DAB1: variants seen among roughly 807,000 people sequenced by gnomAD.
DAB1 encodes the protein disabled homolog 1.
A neutral mutation model predicts 64.6 loss-of-function variants in DAB1; 15 were observed. That is an observed-to-expected ratio of 0.23 (90% CI 0.16 to 0.36). DAB1 has a LOEUF of 0.36. DAB1 is among the 10% of genes least tolerant of loss of function. DAB1 has a pLI of 1.00. For missense variants in DAB1, 596 were observed against 706.7 expected (o/e 0.84, Z 1.78); for synonymous variants, 235 against 251.9 (o/e 0.93, Z 0.64).
intron 1 of DAB1, among the ~76,000 whole-genome samples, chr1:57,293,503 G>A (rs77351440): frequency 2.2e-3 from 337 of 152,304 alleles, no homozygotes; most frequent in African/African-American, 7.7e-3. Context: ...GATTGGAAGA[G>A]TGTCTGGCAT....
At chr1:57,021,308 C>T (rs560164719) in intron 11 of DAB1, among the ~76,000 whole-genome samples, 2 of 152,292 alleles carry the variant, frequency 1.3e-5, no homozygotes, top group South Asian at 2.1e-4. Flanking sequence ...TTCCAAGTCC[C>T]TAATCTGGTA....
At chr1:58,396,933 T>C (rs897104291) in intron 3 of DAB1, among the ~76,000 whole-genome samples, 3 of 151,684 alleles carry the variant, frequency 2.0e-5, no homozygotes, top group Non-Finnish European at 4.4e-5. Context: ...GGCGTAGTGG[T>C]GGGCTCCTGT....
At chr1:58,265,286 G>T (rs1331356091) in intron 4 of DAB1, among the ~76,000 whole-genome samples, 1 of 152,166 alleles carries the variant, frequency 6.6e-6, no homozygotes, top group African/African-American at 2.4e-5. Context: ...ATCCCAGATT[G>T]GTCTAAAGGC....
chr1:57,776,562 T>C (rs1036620618), intron 6 of DAB1, among the ~76,000 whole-genome samples: 10 of 151,862 alleles, frequency 6.6e-5, no homozygotes, highest in African/African-American at 2.4e-4. Context: ...TATTCTACTT[T>C]GTCTCCACAA....
intron 7 of DAB1, among the ~76,000 whole-genome samples, chr1:57,480,273 C>T (rs1435456945): frequency 6.6e-6 from 1 of 151,954 alleles, no homozygotes; most frequent in African/African-American, 2.4e-5. Context: ...CAAATGGGTA[C>T]CCAGGTTCAA....
At position 57,174,766 on chromosome 1, in the gene DAB1, G is replaced by C. The variant is rs148312859; in HGVS notation, c.68-29337C>G. On this transcript the variant is annotated intron_variant, in intron 2 of 14. Coordinates refer to ENST00000371236, the MANE Select transcript of DAB1 (RefSeq NM_001365792.1). ...AACAGGAATGCCAGGAAGGCTACTTGATTTCTGTTTCAATCAAAAACCTAT... is the reference window on the plus strand; with the variant it reads ...AACAGGAATGCCAGGAAGGCTACTTCATTTCTGTTTCAATCAAAAACCTAT... Among the ~76,000 whole-genome samples the C allele has an allele frequency of 3.0e-4, 45 of 152,206 alleles. 1 individual carries two copies. In the East Asian group the frequency reaches 7.3e-3, roughly 25 times the overall value.
At chr1:57,010,493 C>G (rs1033700736) in intron 14 of DAB1, among the ~76,000 whole-genome samples, 187 bp downstream of exon 14, 3 of 152,084 alleles carry the variant, frequency 2.0e-5, no homozygotes, top group Non-Finnish European at 4.4e-5. Context: ...ATAGCTCAGG[C>G]AAGAAGAAAT....
intron 5 of DAB1, among the ~76,000 whole-genome samples, chr1:57,938,516 C>T (rs546845543): frequency 6.5e-4 from 99 of 152,042 alleles, no homozygotes; most frequent in Non-Finnish European, 1.1e-3. Context: ...GGTCTCTTCC[C>T]GCTTCACTTG....
intron 2 of DAB1, among the ~76,000 whole-genome samples, chr1:57,230,977 CT>C (rs1667633708): frequency 6.6e-6 from 1 of 151,914 alleles, no homozygotes; most frequent in East Asian, 1.9e-4. Flanking sequence ...TAGAAAAATG[CT>C]TGTCACATAT....
rs1024461870 is a variant in DAB1 at position 57,088,214 on chromosome 1, G to A, written c.307-15800C>T. Among the ~76,000 whole-genome samples, 35 of 152,294 alleles carry A rather than the reference G, an allele frequency of 2.3e-4. 1 individual carries two copies. The highest frequency in any genetic ancestry group is 8.4e-4 in the African/African-American group (35 of 41,574). ...GCCTCCCGAATAGCTGGGATTACAG[G>A]CATGCACCACCACACCTGGCTAATT... On this transcript the variant is annotated intron_variant, in intron 4 of 14. Transcript: ENST00000371236.
chr1:58,046,939 G>A (rs1224263971), intron 5 of DAB1, among the ~76,000 whole-genome samples: 1 of 152,118 alleles, frequency 6.6e-6, no homozygotes, highest in Admixed American at 6.5e-5. Flanking sequence ...AAGCCCAGCC[G>A]TGCCACTTAC....
intron 1 of DAB1, among the ~76,000 whole-genome samples, chr1:57,369,989 G>A (rs1327450029): frequency 6.6e-6 from 1 of 152,140 alleles, no homozygotes; most frequent in African/African-American, 2.4e-5. Flanking sequence ...TCCCAGTTCA[G>A]TATTTCTTCT....
intron 5 of DAB1, among the ~76,000 whole-genome samples, chr1:57,964,525 T>A (rs1285654150): frequency 6.6e-6 from 1 of 152,192 alleles, no homozygotes; most frequent in Non-Finnish European, 1.5e-5. Flanking sequence ...CCTATTTCAG[T>A]ACAGAGAGTA....
At chr1:57,525,663 G>A (rs752251068) in intron 7 of DAB1, among the ~76,000 whole-genome samples, 3 of 151,876 alleles carry the variant, frequency 2.0e-5, no homozygotes, top group Non-Finnish European at 2.9e-5. Flanking sequence ...AGTCACCAGG[G>A]CAAGATATAA....
chr1:58,053,024 G>A (rs1388205020), intron 5 of DAB1, among the ~76,000 whole-genome samples: 4 of 152,164 alleles, frequency 2.6e-5, no homozygotes, highest in Non-Finnish European at 2.9e-5. Flanking sequence ...ATGGGGAGCT[G>A]CCAGGCTTTT....
At chr1:57,978,830 G>A (rs936279530) in intron 5 of DAB1, among the ~76,000 whole-genome samples, 1 of 152,102 alleles carries the variant, frequency 6.6e-6, no homozygotes, top group Non-Finnish European at 1.5e-5. Context: ...CATCATCACT[G>A]GTCATTATGG....
chr1:57,130,007 C>A (rs1437091199), intron 4 of DAB1, among the ~76,000 whole-genome samples: 1 of 151,728 alleles, frequency 6.6e-6, no homozygotes, highest in Non-Finnish European at 1.5e-5. Context: ...CCAGGCCTGG[C>A]CGATACAACA....
intron 4 of DAB1, among the ~76,000 whole-genome samples, chr1:57,073,332 T>C (rs145617162): frequency 2.7e-4 from 41 of 152,338 alleles, no homozygotes; most frequent in African/African-American, 9.4e-4. Flanking sequence ...CCTTGCACTA[T>C]GCCTGGCCTA....
intron 7 of DAB1, among the ~76,000 whole-genome samples, chr1:57,516,467 CA>C (rs1319388154): frequency 6.6e-6 from 1 of 152,158 alleles, no homozygotes; most frequent in Non-Finnish European, 1.5e-5. Context: ...GCTGCCATTT[CA>C]AATTTTTCTA....
Sources: gnomAD v4.1 joint callset for allele counts (sites outside exome capture counted in the v4.1 genomes callset) on GRCh38, gnomAD v4.1.1 for gene constraint, MANE v1.5 for transcripts, NCBI Gene and HGNC (gene_info 2026-07-23, HGNC 2026-07-21) for gene names.